Variants in NMNAT2 observed in about 807,000 individuals in gnomAD.
NMNAT2 encodes nicotinamide/nicotinic acid mononucleotide adenylyltransferase 2.
NMNAT2 carries 11 observed loss-of-function variants against 41.6 expected under a neutral mutation model. The observed-to-expected ratio is 0.26, with a 90% CI of 0.17 to 0.44. NMNAT2 has a LOEUF of 0.44. NMNAT2 is among the 20% of genes least tolerant of loss of function. The pLI, the probability that NMNAT2 is intolerant of heterozygous loss-of-function variation, is 1.00. For synonymous variants in NMNAT2, 148 were observed against 151.2 expected, an observed-to-expected ratio of 0.98 and a Z score of 0.16; for missense variants, 288 against 407.7, an observed-to-expected ratio of 0.71 and a Z score of 2.53.
intron 8 of NMNAT2, among the ~76,000 whole-genome samples, chr1:183,267,613 T>TG (rs942882258): frequency 4.0e-5 from 6 of 150,794 alleles, no homozygotes; most frequent in African/African-American, 4.9e-5. Context: ...CCCTGGGGAG[T>TG]GGGGGGGTGT....
At chr1:183,260,615 C>T (rs550636976) in intron 10 of NMNAT2, among the ~76,000 whole-genome samples, 6 of 152,110 alleles carry the variant, frequency 3.9e-5, no homozygotes, top group African/African-American at 9.6e-5. Flanking sequence ...GTCAGGAGTT[C>T]GAGACCAGCC....
At chr1:183,326,512 G>T (rs886496551) in intron 1 of NMNAT2, among the ~76,000 whole-genome samples, 1 of 151,972 alleles carries the variant, frequency 6.6e-6, no homozygotes, top group Non-Finnish European at 1.5e-5. Flanking sequence ...GGCAGACTTA[G>T]AAGCTTAGCT....
Position 183,312,569 on chromosome 1 carries a change from T to TAA in NMNAT2, c.86-18778_86-18777dup, listed in dbSNP as rs5779167. 4.1e-4 allele frequency among the ~76,000 whole-genome samples: 61 copies of TAA among 149,202 alleles called. 1 individual carries two copies. The East Asian group carries it at 0.011, about 26-fold the overall frequency. On this transcript the variant is annotated intron_variant, in intron 1 of 10. Transcript: ENST00000287713. ...TTAATAGTAATTGCCTTACAGTTCC[T>TAA]AAAAAAAAAAAAGACATATTGGTGA...
chr1:183,262,845 G>A (rs1357462052), intron 8 of NMNAT2, among the ~76,000 whole-genome samples: 1 of 152,214 alleles, frequency 6.6e-6, no homozygotes, highest in African/African-American at 2.4e-5. Flanking sequence ...CCCAGATGGG[G>A]GAAGAGGGGA....
intron 1 of NMNAT2, among the ~76,000 whole-genome samples, chr1:183,312,844 C>T (rs1028145953): frequency 6.6e-6 from 1 of 152,136 alleles, no homozygotes; most frequent in Non-Finnish European, 1.5e-5. Context: ...GAACTAAGTC[C>T]CTAAATAAGT....
intron 1 of NMNAT2, among the ~76,000 whole-genome samples, chr1:183,324,039 C>A (rs1662409849): frequency 2.0e-5 from 3 of 152,126 alleles, no homozygotes; most frequent in Admixed American, 6.5e-5. Context: ...GCAAGGGGAC[C>A]CAGTGGTGAG....
chr1:183,409,420 C>A (rs1235756506), intron 1 of NMNAT2, among the ~76,000 whole-genome samples: 1 of 152,116 alleles, frequency 6.6e-6, no homozygotes, highest in African/African-American at 2.4e-5. Context: ...GGGCTCAAGC[C>A]ATCCTCCCAC....
intron 1 of NMNAT2, among the ~76,000 whole-genome samples, chr1:183,393,664 G>A (rs897494834): frequency 9.9e-5 from 15 of 151,982 alleles, no homozygotes; most frequent in African/African-American, 1.2e-4. Context: ...CAAGCGATTC[G>A]CCTGCCTCAG....
chr1:183,320,031 C>T (rs1044943689), intron 1 of NMNAT2, among the ~76,000 whole-genome samples: 2 of 152,148 alleles, frequency 1.3e-5, no homozygotes, highest in African/African-American at 2.4e-5. Context: ...GGGAAAGGAG[C>T]GAACTGAGTG....
chr1:183,272,522 G>A (rs1661011502), intron 8 of NMNAT2, among the ~76,000 whole-genome samples: 1 of 152,240 alleles, frequency 6.6e-6, no homozygotes, highest in Non-Finnish European at 1.5e-5. Flanking sequence ...ATTTGCTGTG[G>A]GCTAATGGAT....
chr1:183,264,954 C>T (rs890556672), intron 8 of NMNAT2, among the ~76,000 whole-genome samples: 1 of 152,172 alleles, frequency 6.6e-6, no homozygotes, highest in Admixed American at 6.6e-5. Context: ...GCCTCAGTCC[C>T]TGGACGTTTT....
rs955889449 is a variant in NMNAT2, at chr1:183,352,546, G to C, written c.86-58753C>G. 3.6e-5 allele frequency among the ~76,000 whole-genome samples: 5 copies of C among 140,720 alleles called. 1 individual carries two copies. The East Asian group carries it at 1.0e-3, about 29-fold the overall frequency. 92.3% of individuals were successfully genotyped at this position (140,720 alleles called of 152,430 possible). A position where few individuals can be genotyped will look rare whatever the true frequency, so the allele number is the denominator to read the frequency against. On this transcript the variant is annotated intron_variant, in intron 1 of 10. Transcript: ENST00000287713. The stretch of plus-strand genomic sequence containing the variant: ...CCACTATACTCTAGCCTGGATGATG[G>C]AGTCACAGTCTGTCTCAAAAAAAAA...
intron 1 of NMNAT2, among the ~76,000 whole-genome samples, chr1:183,365,670 G>A (rs1042545327): frequency 3.3e-5 from 5 of 152,012 alleles, no homozygotes; most frequent in East Asian, 1.9e-4. Flanking sequence ...CCTGGGAGGC[G>A]GAGGTTGCAG....
chr1:183,354,295 A>G (rs1351245783), intron 1 of NMNAT2, among the ~76,000 whole-genome samples: 2 of 152,106 alleles, frequency 1.3e-5, no homozygotes, highest in Non-Finnish European at 2.9e-5. Flanking sequence ...GAGTAAGGTT[A>G]GATAAAAACT....
intron 1 of NMNAT2, among the ~76,000 whole-genome samples, chr1:183,399,111 A>G (rs1648736401): frequency 6.6e-6 from 1 of 152,204 alleles, no homozygotes; most frequent in African/African-American, 2.4e-5. Flanking sequence ...CAAAAAATCA[A>G]TGAATCCAGG....
chr1:183,272,546 G>A (rs923869020), intron 8 of NMNAT2, among the ~76,000 whole-genome samples: 18 of 152,214 alleles, frequency 1.2e-4, no homozygotes, highest in African/African-American at 4.3e-4. Context: ...TGTGCCTAAT[G>A]GGAAATGCCA....
chr1:183,342,915 A>ATTG (rs1662850385), intron 1 of NMNAT2, among the ~76,000 whole-genome samples: 2 of 151,066 alleles, frequency 1.3e-5, no homozygotes, highest in Non-Finnish European at 2.9e-5. Context: ...TATTATTATT[A>ATTG]TTATTATTAT....
intron 1 of NMNAT2, among the ~76,000 whole-genome samples, chr1:183,410,267 G>T (rs979625391): frequency 6.6e-6 from 1 of 151,876 alleles, no homozygotes; most frequent in Admixed American, 6.6e-5. Flanking sequence ...AGGTTGCAGT[G>T]AGCTGAGACA....
intron 1 of NMNAT2, among the ~76,000 whole-genome samples, chr1:183,405,982 A>G (rs1324487974): frequency 1.3e-5 from 2 of 152,236 alleles, no homozygotes; most frequent in African/African-American, 4.8e-5. Context: ...ATAAATTGGA[A>G]TAGTTTAGCA....
Sources: gnomAD v4.1 joint callset for allele counts (sites outside exome capture counted in the v4.1 genomes callset) on GRCh38, gnomAD v4.1.1 for gene constraint, MANE v1.5 for transcripts, NCBI Gene and HGNC (gene_info 2026-07-23, HGNC 2026-07-21) for gene names.